Variants in SUGCT observed in about 807,000 individuals in gnomAD.
SUGCT encodes succinyl-CoA:glutarate-CoA transferase.
Under a neutral mutation model 55.0 loss-of-function variants are expected in SUGCT, and 41 were observed. The observed-to-expected ratio is 0.74, with a 90% CI of 0.58 to 0.97. The LOEUF is 0.97. Among genes scored for constraint, SUGCT ranks in the 50% least tolerant of loss-of-function variants. The pLI, the probability that SUGCT is intolerant of heterozygous loss-of-function variation, is 0.00. For missense variants in SUGCT, 568 were observed against 547.8 expected, an observed-to-expected ratio of 1.04 and a Z score of -0.37; for synonymous variants, 187 against 200.4, an observed-to-expected ratio of 0.93 and a Z score of 0.56.
At chr7:40,766,106 A>G (rs1031908813) in intron 13 of SUGCT, among the ~76,000 whole-genome samples, 2 of 152,220 alleles carry the variant, frequency 1.3e-5, no homozygotes, top group Non-Finnish European at 2.9e-5. Flanking sequence ...AACATAATAT[A>G]GTTGAAACCA....
intron 9 of SUGCT, among the ~76,000 whole-genome samples, chr7:40,349,013 G>C (rs79000765): frequency 0.019 from 2,895 of 152,226 alleles, 32 homozygotes; most frequent in Non-Finnish European, 0.029. Flanking sequence ...GGAGGACTCT[G>C]TTCTCTTTCT....
intron 12 of SUGCT, among the ~76,000 whole-genome samples, chr7:40,605,007 T>C (rs1469848106): frequency 6.6e-6 from 1 of 152,224 alleles, no homozygotes; most frequent in Non-Finnish European, 1.5e-5. Flanking sequence ...TTGCACGGTA[T>C]TGGGGGCTGT....
At chr7:40,367,261 G>A (rs1176450557) in intron 9 of SUGCT, among the ~76,000 whole-genome samples, 2 of 127,720 alleles carry the variant, frequency 1.6e-5, no homozygotes, top group East Asian at 5.0e-4. Flanking sequence ...TCCGGGGACT[G>A]TTGTGGGGTG....
the SUGCT span, among the ~76,000 whole-genome samples, chr7:40,996,838 C>T: frequency 2.0e-5 from 3 of 152,178 alleles, no homozygotes; most frequent in East Asian, 1.9e-4. Flanking sequence ...AAAAGCCAAA[C>T]TATTCTCTGT....
At chr7:40,956,411 A>G in the SUGCT span, among the ~76,000 whole-genome samples, 3 of 151,938 alleles carry the variant, frequency 2.0e-5, no homozygotes, top group African/African-American at 7.2e-5. Flanking sequence ...TAGTTTATTC[A>G]GGTAGAGGTG....
chr7:40,750,551 A>G (rs930711762), intron 13 of SUGCT, among the ~76,000 whole-genome samples: 3 of 152,182 alleles, frequency 2.0e-5, no homozygotes, highest in Non-Finnish European at 4.4e-5. Flanking sequence ...TTGAAGGACT[A>G]TTCTTGTTAA....
chr7:40,904,322 G>T, the SUGCT span, among the ~76,000 whole-genome samples: 1 of 152,168 alleles, frequency 6.6e-6, no homozygotes, highest in Non-Finnish European at 1.5e-5. Context: ...ATGGAGGCAG[G>T]TCTCCACCAG....
chr7:40,449,465 A>G lies in SUGCT; in HGVS notation c.888+107A>G, dbSNP rs972676882. 4 of 747,392 alleles carry G rather than the reference A, an allele frequency of 5.4e-6. No individual in the cohort carries two copies. The African/African-American group carries it at 6.9e-5, about 13-fold the overall frequency. The allele number at this position is 747,392 out of a possible 1,614,324, so 46.3% of individuals were successfully genotyped here. ...TAGGCCCCCTGTGTTAGCAACTAAA[A>G]GTATAGGATATTCATGCGCATAAAG... On this transcript the variant is annotated intron_variant, in intron 10 of 13. Transcript: ENST00000335693.
rs752301723 is a variant in SUGCT, at chr7:40,496,434, C to A, written c.1089+48C>A. 4 of 1,289,198 alleles carry A rather than the reference C, an allele frequency of 3.1e-6. 1 individual carries two copies. In the South Asian group the frequency reaches 5.0e-5, roughly 16 times the overall value. 79.9% of individuals were successfully genotyped at this position (1,289,198 alleles called of 1,614,324 possible). Reference sequence around the variant, plus strand: ...CGCCTCTGTTTTCTGTCCAGATTGACTTATATCAAGGTACCTTTGCCATTG... The same window carrying A: ...CGCCTCTGTTTTCTGTCCAGATTGAATTATATCAAGGTACCTTTGCCATTG... On this transcript the variant is annotated intron_variant, in intron 12 of 13. Transcript: ENST00000335693.
intron 9 of SUGCT, among the ~76,000 whole-genome samples, chr7:40,418,993 A>G (rs1298417831): frequency 6.6e-6 from 1 of 152,178 alleles, no homozygotes; most frequent in East Asian, 1.9e-4. Flanking sequence ...CCTACGGTAG[A>G]GTGCTGTACA....
At chr7:40,304,046 C>T (rs1312353008) in intron 8 of SUGCT, among the ~76,000 whole-genome samples, 2 of 130,798 alleles carry the variant, frequency 1.5e-5, no homozygotes, top group Non-Finnish European at 3.1e-5. Context: ...GAGACTCCAT[C>T]TCAAAAAAAA....
At chr7:40,146,703 G>A (rs953197947) in intron 1 of SUGCT, among the ~76,000 whole-genome samples, 14 of 152,274 alleles carry the variant, frequency 9.2e-5, no homozygotes, top group African/African-American at 2.9e-4. Flanking sequence ...CCCTCATTCC[G>A]GTAAACCTTC....
intron 12 of SUGCT, among the ~76,000 whole-genome samples, chr7:40,569,062 T>C (rs1209558384): frequency 1.3e-5 from 2 of 152,234 alleles, no homozygotes; most frequent in African/African-American, 4.8e-5. Context: ...TTTTTAAAAA[T>C]GAGGTACTCA....
chr7:40,803,929 G>A (rs575099748), intron 13 of SUGCT, among the ~76,000 whole-genome samples: 12 of 152,244 alleles, frequency 7.9e-5, no homozygotes, highest in South Asian at 6.2e-4. Flanking sequence ...AGGAGGAAAC[G>A]ATTTATATTA....
the SUGCT span, among the ~76,000 whole-genome samples, chr7:41,036,492 T>C: frequency 2.0e-5 from 3 of 152,302 alleles, no homozygotes; most frequent in African/African-American, 7.2e-5. Context: ...GTCTTGACAC[T>C]GTTCGTTCCT....
intron 12 of SUGCT, among the ~76,000 whole-genome samples, chr7:40,528,945 G>GA (rs1793942878): frequency 6.6e-6 from 1 of 152,064 alleles, no homozygotes; most frequent in Non-Finnish European, 1.5e-5. Context: ...TTTTGAGGTA[G>GA]AAAAAAGGAG....
intron 12 of SUGCT, among the ~76,000 whole-genome samples, chr7:40,671,969 A>G (rs1562938015): frequency 6.6e-6 from 1 of 152,206 alleles, no homozygotes; most frequent in Non-Finnish European, 1.5e-5. Flanking sequence ...AAGATTGTAT[A>G]CAGAGAACAG....
At chr7:40,864,268 T>C (rs1794542409), downstream of SUGCT, among the ~76,000 whole-genome samples, 1 of 152,254 alleles carries the variant, frequency 6.6e-6, no homozygotes, top group East Asian at 1.9e-4. Context: ...GTGATTCTTA[T>C]GCCTCAACCT....
At chr7:40,442,208 C>A (rs1457304197) in intron 9 of SUGCT, among the ~76,000 whole-genome samples, 1 of 152,076 alleles carries the variant, frequency 6.6e-6, no homozygotes, top group East Asian at 1.9e-4. Flanking sequence ...TTCTCTAATG[C>A]TAATATTGTA....
Sources: gnomAD v4.1 joint callset for allele counts (sites outside exome capture counted in the v4.1 genomes callset) on GRCh38, gnomAD v4.1.1 for gene constraint, MANE v1.5 for transcripts, NCBI Gene and HGNC (gene_info 2026-07-23, HGNC 2026-07-21) for gene names.